MACROD2: variants seen among roughly 807,000 people sequenced by gnomAD.
MACROD2 encodes mono-ADP ribosylhydrolase 2, also known as ADP-ribose glycohydrolase MACROD2.
In MACROD2, 36 loss-of-function variants were observed where a neutral mutation model predicts 70.4. That is an observed-to-expected ratio of 0.51 (90% CI 0.39 to 0.68). The LOEUF is 0.68. MACROD2 is among the 30% of genes least tolerant of loss of function. MACROD2 has a pLI of 0.00. For synonymous variants in MACROD2, 172 were observed against 178.8 expected (o/e 0.96, Z 0.30); for missense variants, 496 against 538.4 (o/e 0.92, Z 0.78).
In MACROD2 at chr20:15,183,503, T is replaced by TAA. The variant is rs570725262; in HGVS notation, c.419-46427_419-46426dup. ...GGCAATAGAACAAGACCCTGTCTCTTAAAAAAAAAAATAGATCTTATTTAC... is the reference window on the plus strand; with the variant it reads ...GGCAATAGAACAAGACCCTGTCTCTTAAAAAAAAAAAAATAGATCTTATTTAC... On this transcript the variant is annotated intron_variant, in intron 5 of 17. Coordinates refer to ENST00000684519, the MANE Select transcript of MACROD2 (RefSeq NM_001351661.2). Among the ~76,000 whole-genome samples the TAA allele has an allele frequency of 3.6e-3, 531 of 148,206 alleles. 3 individuals are homozygous for TAA. Among genetic ancestry groups the TAA allele is most frequent in the Non-Finnish European group, 4.3e-3 (288 of 66,698 alleles).
intron 2 of MACROD2, among the ~76,000 whole-genome samples, chr20:14,054,752 A>G (rs183506269): frequency 3.7e-4 from 56 of 152,262 alleles, no homozygotes; most frequent in African/African-American, 1.3e-3. Context: ...TTTGGTAAAG[A>G]ATTGCCACTG....
intron 5 of MACROD2, among the ~76,000 whole-genome samples, chr20:15,166,934 GTATT>G (rs1460043484): frequency 6.8e-5 from 10 of 147,998 alleles, no homozygotes; most frequent in Non-Finnish European, 1.5e-4. Flanking sequence ...TTAAATTTAA[GTATT>G]TAATTTAAGT....
At chr20:14,020,582 C>G (rs1355072451) in intron 2 of MACROD2, among the ~76,000 whole-genome samples, 1 of 152,172 alleles carries the variant, frequency 6.6e-6, no homozygotes, top group East Asian at 1.9e-4. Context: ...TGTTGAAAAT[C>G]AGACATTTGA....
chr20:14,288,130 G>T, intron 3 of MACROD2, among the ~76,000 whole-genome samples: 1 of 151,186 alleles, frequency 6.6e-6, no homozygotes, highest in East Asian at 2.0e-4. Flanking sequence ...TACAAGGTAG[G>T]GTGTACCTTG....
At chr20:15,530,176 A>G (rs960199497) in intron 8 of MACROD2, among the ~76,000 whole-genome samples, 3 of 152,182 alleles carry the variant, frequency 2.0e-5, no homozygotes, top group South Asian at 2.1e-4. Context: ...CTGTCCCTCT[A>G]CCAACCTTAA....
At chr20:15,085,142 A>G (rs2075737016) in intron 5 of MACROD2, among the ~76,000 whole-genome samples, 1 of 152,180 alleles carries the variant, frequency 6.6e-6, no homozygotes, top group African/African-American at 2.4e-5. Flanking sequence ...TGCCAAAACA[A>G]TTCAGTAGAG....
chr20:15,967,695 A>C (rs957608074), intron 13 of MACROD2, 65 bp downstream of exon 13: 178 of 1,406,298 alleles, frequency 1.3e-4, no homozygotes, highest in Non-Finnish European at 1.5e-4. Context: ...AAAAAAAAAA[A>C]AAAAAACCCA....
chr20:15,084,266 C>T (rs919687799), intron 5 of MACROD2, among the ~76,000 whole-genome samples: 2 of 151,820 alleles, frequency 1.3e-5, no homozygotes, highest in African/African-American at 4.8e-5. Flanking sequence ...TGGGGTTTCA[C>T]CATATTGGCC....
chr20:15,719,308 C>T (rs750522277), intron 8 of MACROD2, among the ~76,000 whole-genome samples: 21 of 152,074 alleles, frequency 1.4e-4, no homozygotes, highest in Non-Finnish European at 2.5e-4. Flanking sequence ...TGCACTTTGC[C>T]GACTCTAAGA....
intron 8 of MACROD2, among the ~76,000 whole-genome samples, chr20:15,793,191 G>A (rs749081435): frequency 1.3e-5 from 2 of 152,094 alleles, no homozygotes; most frequent in African/African-American, 2.4e-5. Context: ...ATTGAACTCC[G>A]ATTGCCTTTG....
intron 5 of MACROD2, among the ~76,000 whole-genome samples, chr20:14,703,256 G>C (rs2071228202): frequency 6.6e-6 from 1 of 152,078 alleles, no homozygotes. Context: ...ATTGCTGGTT[G>C]GGAGGGACTG....
intron 4 of MACROD2, among the ~76,000 whole-genome samples, chr20:14,508,177 A>G (rs1049897121): frequency 8.5e-5 from 13 of 152,332 alleles, no homozygotes; most frequent in African/African-American, 3.1e-4. Flanking sequence ...AGGATCAGTG[A>G]AAACAGGAAG....
intron 5 of MACROD2, among the ~76,000 whole-genome samples, chr20:14,856,274 T>C (rs2073254654): frequency 6.6e-6 from 1 of 152,204 alleles, no homozygotes; most frequent in African/African-American, 2.4e-5. Flanking sequence ...TAGAGATTAA[T>C]GATCTGATTT....
intron 5 of MACROD2, among the ~76,000 whole-genome samples, chr20:15,068,638 C>G (rs2075595857): frequency 6.6e-6 from 1 of 152,126 alleles, no homozygotes; most frequent in Non-Finnish European, 1.5e-5. Flanking sequence ...TGCTGGCTCC[C>G]CCTTTGCCTT....
intron 3 of MACROD2, among the ~76,000 whole-genome samples, chr20:14,405,982 G>A (rs777715091): frequency 6.6e-6 from 1 of 152,086 alleles, no homozygotes; most frequent in Non-Finnish European, 1.5e-5. Flanking sequence ...AGAGACTTTT[G>A]TCAAAACAAC....
At chr20:14,368,113 T>G (rs1234222850) in intron 3 of MACROD2, among the ~76,000 whole-genome samples, 2 of 152,236 alleles carry the variant, frequency 1.3e-5, no homozygotes, top group Non-Finnish European at 2.9e-5. Context: ...CCTTTAGCTC[T>G]TTGATTTTTT....
At chr20:14,593,239 T>TACTATTAACTA (rs1981900871) in intron 4 of MACROD2, among the ~76,000 whole-genome samples, 1 of 152,160 alleles carries the variant, frequency 6.6e-6, no homozygotes, top group Non-Finnish European at 1.5e-5. Context: ...TTAGAGGAAA[T>TACTATTAACTA]TTTTTTGGGC....
chr20:14,753,045 G>A (rs2071894848), intron 5 of MACROD2, among the ~76,000 whole-genome samples: 1 of 151,978 alleles, frequency 6.6e-6, no homozygotes, highest in South Asian at 2.1e-4. Context: ...CTTGTGTTTA[G>A]CTCCCCTGCA....
At chr20:14,699,318 A>G (rs2071165133) in intron 5 of MACROD2, among the ~76,000 whole-genome samples, 1 of 152,196 alleles carries the variant, frequency 6.6e-6, no homozygotes, top group African/African-American at 2.4e-5. Context: ...AGTGCTTACA[A>G]CTTGCTTAAA....
Sources: gnomAD v4.1 joint callset for allele counts (sites outside exome capture counted in the v4.1 genomes callset) on GRCh38, gnomAD v4.1.1 for gene constraint, MANE v1.5 for transcripts, NCBI Gene and HGNC (gene_info 2026-07-23, HGNC 2026-07-21) for gene names.